DNAH12: variants seen among roughly 807,000 people sequenced by gnomAD.
DNAH12 encodes dynein axonemal heavy chain 12.
A neutral mutation model predicts 371.5 loss-of-function variants in DNAH12; 285 were observed. The ratio of observed to expected loss-of-function variants is 0.77; its 90% confidence interval spans 0.70 to 0.85. The LOEUF (loss-of-function observed/expected upper bound fraction) is 0.85, where lower values mean the gene tolerates loss of function less well. DNAH12 is among the 40% of genes least tolerant of loss of function. DNAH12 has a pLI of 0.00. For missense variants in DNAH12, 3,611 were observed against 3,689.4 expected, an observed-to-expected ratio of 0.98 and a Z score of 0.55; for synonymous variants, 1,200 against 1,213.0, an observed-to-expected ratio of 0.99 and a Z score of 0.22.
At chr3:57,303,667 G>C (rs1238963649) in intron 69 of DNAH12, among the ~76,000 whole-genome samples, 3 of 152,098 alleles carry the variant, frequency 2.0e-5, no homozygotes, top group African/African-American at 7.2e-5. Flanking sequence ...GCCTTATAAA[G>C]TGTTGGGGTT....
At chr3:57,489,361 C>T (rs1364796148) in intron 12 of DNAH12, 148 bp downstream of exon 12, 2 of 696,628 alleles carry the variant, frequency 2.9e-6, no homozygotes, top group African/African-American at 3.8e-5. Context: ...CCCAATGGGA[C>T]TACAAAGGCA....
intron 17 of DNAH12, among the ~76,000 whole-genome samples, chr3:57,464,795 C>T (rs2066150863): frequency 1.3e-5 from 2 of 152,124 alleles, no homozygotes; most frequent in Non-Finnish European, 2.9e-5. Context: ...GGAGTTAGCA[C>T]TATAGATTCT....
rs2065799610 is a variant in DNAH12 at position 57,452,998 on chromosome 3, C to G, written c.3631G>C (p.Asp1211His). 6.5e-7 allele frequency: 1 copy of G among 1,548,326 alleles called. No individual in the cohort carries two copies. Among genetic ancestry groups the G allele is most frequent in the African/African-American group, 1.4e-5 (1 of 72,992 alleles). ...CGGAGCTGAGCAAGCCACAGGAAAT[C>G]TGTATCATGTGAGACACCTAGAAAA... ...MIKMGVSHDT[D>H]FLWLAQLRYY... The change falls in exon 25 of 74, where the codon GAT becomes CAT. Residue 1211 changes from aspartate (D) to histidine (H), a missense_variant. This residue lies in a region of DNAH12 where 31 missense variants were observed against 53.8 expected (regional missense o/e 0.58). Coordinates refer to ENST00000495027, the MANE Select transcript of DNAH12 (RefSeq NM_001366028.2).
chr3:57,537,252 T>C (rs1040251355), intron 2 of DNAH12, among the ~76,000 whole-genome samples: 2 of 152,138 alleles, frequency 1.3e-5, no homozygotes, highest in African/African-American at 4.8e-5. Flanking sequence ...CTAAAAAATT[T>C]TGTAATAAAA....
chr3:57,456,682 A>C (rs1348434865), intron 22 of DNAH12, among the ~76,000 whole-genome samples: 1 of 152,212 alleles, frequency 6.6e-6, no homozygotes, highest in Non-Finnish European at 1.5e-5. Flanking sequence ...GCTAATGTGC[A>C]GGATTGTTTG....
chr3:57,344,281 C>T (rs1275329650), intron 60 of DNAH12, among the ~76,000 whole-genome samples: 2 of 95,250 alleles, frequency 2.1e-5, no homozygotes, highest in African/African-American at 7.6e-5. Context: ...CATCAAAAAG[C>T]CAAAAAATAC....
chr3:57,487,022 A>T (rs6794238), intron 12 of DNAH12, among the ~76,000 whole-genome samples: 9,710 of 152,184 alleles, frequency 0.064, 1,049 homozygotes, highest in African/African-American at 0.22. Flanking sequence ...ACCAGCAAGG[A>T]CAACGGCCAT....
upstream of DNAH12, among the ~76,000 whole-genome samples, chr3:57,547,736 T>C (rs1416547682): frequency 6.6e-6 from 1 of 152,164 alleles, no homozygotes; most frequent in Non-Finnish European, 1.5e-5. Flanking sequence ...AAAGCAACGT[T>C]TCAAGCAAAA....
chr3:57,418,564 T>C (rs1329750458), intron 37 of DNAH12, among the ~76,000 whole-genome samples: 1 of 150,588 alleles, frequency 6.6e-6, no homozygotes, highest in East Asian at 1.9e-4. Flanking sequence ...AAAACTGCTA[T>C]ACTAGAAATG....
intron 2 of DNAH12, among the ~76,000 whole-genome samples, chr3:57,526,525 A>ATTT: frequency 7.2e-6 from 1 of 138,062 alleles, no homozygotes; most frequent in Admixed American, 7.1e-5. Flanking sequence ...TTGTTTCCAG[A>ATTT]TCTTTTTTTT....
intron 40 of DNAH12, among the ~76,000 whole-genome samples, chr3:57,407,211 G>T (rs2064062438): frequency 6.9e-6 from 1 of 144,616 alleles, no homozygotes; most frequent in African/African-American, 2.6e-5. Context: ...TTTTTTATTT[G>T]TATGTGTTCT....
At chr3:57,420,368 C>T (rs1262833889) in intron 36 of DNAH12, among the ~76,000 whole-genome samples, 2 of 152,066 alleles carry the variant, frequency 1.3e-5, no homozygotes, top group African/African-American at 2.4e-5. Context: ...AAATTGTACA[C>T]GTATATGTTA....
intron 66 of DNAH12, among the ~76,000 whole-genome samples, chr3:57,314,234 A>C (rs960616961): frequency 3.3e-5 from 5 of 152,134 alleles, no homozygotes; most frequent in Non-Finnish European, 7.3e-5. Context: ...CGAATCAACC[A>C]AACCCAGAGT....
intron 65 of DNAH12, 45 bp downstream of exon 65, chr3:57,322,298 A>T (rs2061824868): frequency 6.8e-7 from 1 of 1,464,442 alleles, no homozygotes; most frequent in Admixed American, 2.7e-5. Context: ...TCCATATTTG[A>T]TCACTATAAA....
intron 25 of DNAH12, among the ~76,000 whole-genome samples, chr3:57,447,457 G>T (rs1039742925): frequency 6.6e-6 from 1 of 152,152 alleles, no homozygotes; most frequent in Non-Finnish European, 1.5e-5. Flanking sequence ...GTACGGCTAA[G>T]TGACCAAGGC....
At chr3:57,417,262 A>T (rs192375502) in intron 37 of DNAH12, among the ~76,000 whole-genome samples, 101 of 152,268 alleles carry the variant, frequency 6.6e-4, no homozygotes, top group African/African-American at 2.0e-3. Flanking sequence ...AAAAAAATTT[A>T]AAAAAAGACA....
intron 2 of DNAH12, among the ~76,000 whole-genome samples, chr3:57,528,501 G>A (rs375739033): frequency 1 from 148,738 of 148,746 alleles, 74,365 homozygotes; most frequent in Middle Eastern, 1. Context: ...CAAGGGGGGG[G>A]GATCCCCTGA....
chr3:57,417,935 G>C (rs926267472), intron 37 of DNAH12, among the ~76,000 whole-genome samples: 1 of 152,122 alleles, frequency 6.6e-6, no homozygotes, highest in Non-Finnish European at 1.5e-5. Flanking sequence ...TGGATCATTT[G>C]AGGCCAGGAG....
At chr3:57,307,785 G>T (rs1341895701) in intron 69 of DNAH12, among the ~76,000 whole-genome samples, 1 of 151,970 alleles carries the variant, frequency 6.6e-6, no homozygotes, top group Non-Finnish European at 1.5e-5. Flanking sequence ...GTATCTCTCT[G>T]ATCCACCTGA....
Sources: allele counts gnomAD v4.1 joint callset (sites outside exome capture counted in the v4.1 genomes callset), GRCh38; gene constraint gnomAD v4.1.1; regional missense constraint gnomAD v4.1.1; transcripts MANE v1.5; gene names NCBI Gene and HGNC (gene_info 2026-07-23, HGNC 2026-07-21).